Variants in KIAA1549L observed in about 807,000 individuals in gnomAD.
KIAA1549L encodes the protein UPF0606 protein KIAA1549L.
KIAA1549L carries 88 observed loss-of-function variants against 160.7 expected under a neutral mutation model. That is an observed-to-expected ratio of 0.55 (90% CI 0.46 to 0.65). KIAA1549L has a LOEUF of 0.65. Ranked by LOEUF, KIAA1549L falls within the 30% of genes least tolerant of loss-of-function variation. The pLI is 0.00. For missense variants in KIAA1549L, 2,258 were observed against 2,437.5 expected (o/e 0.93, Z 1.55); for synonymous variants, 950 against 976.7 (o/e 0.97, Z 0.51).
intron 13 of KIAA1549L, among the ~76,000 whole-genome samples, chr11:33,601,369 CTTG>C (rs377667887): frequency 6.6e-5 from 10 of 152,224 alleles, no homozygotes; most frequent in Admixed American, 4.6e-4. Flanking sequence ...AAAACATACA[CTTG>C]TTGTTTTTAT....
At chr11:33,562,845 A>T (rs1272254264) in intron 8 of KIAA1549L, among the ~76,000 whole-genome samples, 1 of 151,416 alleles carries the variant, frequency 6.6e-6, no homozygotes, top group African/African-American at 2.4e-5. Flanking sequence ...TAACCAGCTA[A>T]TTTTTTTGTA....
chr11:33,404,439 G>A lies in KIAA1549L; in HGVS notation c.238+27550G>A, dbSNP rs920966306. On this transcript the variant is annotated intron_variant, in intron 1 of 20. Transcript: ENST00000658780. ...CGTGGGAGACTGAGGCAGGAGAATC[G>A]CTTGAACCCAGGAGGGGGAGGTTGT... 3.3e-5 allele frequency among the ~76,000 whole-genome samples: 5 copies of A among 152,016 alleles called. No individual in the cohort carries two copies. The East Asian group carries it at 9.7e-4, about 29-fold the overall frequency.
intron 1 of KIAA1549L, among the ~76,000 whole-genome samples, chr11:33,530,566 C>T (rs1487008952): frequency 1.4e-5 from 2 of 147,220 alleles, no homozygotes; most frequent in Non-Finnish European, 1.5e-5. Context: ...TGACTTTAAA[C>T]TTATTAATGA....
At chr11:33,532,746 G>C (rs1261923515) in intron 1 of KIAA1549L, among the ~76,000 whole-genome samples, 1 of 152,198 alleles carries the variant, frequency 6.6e-6, no homozygotes, top group African/African-American at 2.4e-5. Flanking sequence ...AGAGCTATTA[G>C]TGATCTAGTT....
At chr11:33,616,118 G>T (rs1850801311) in intron 15 of KIAA1549L, among the ~76,000 whole-genome samples, 1 of 152,154 alleles carries the variant, frequency 6.6e-6, no homozygotes, top group Non-Finnish European at 1.5e-5. Flanking sequence ...TAAATAAAAG[G>T]GGAATATATT....
intron 20 of KIAA1549L, among the ~76,000 whole-genome samples, chr11:33,662,200 T>A (rs1044791339): frequency 1.3e-5 from 2 of 152,192 alleles, no homozygotes; most frequent in African/African-American, 4.8e-5. Context: ...ACTATAATTT[T>A]TGGAGTTACT....
chr11:33,441,682 A>G (rs1386601547), intron 1 of KIAA1549L, among the ~76,000 whole-genome samples: 1 of 152,002 alleles, frequency 6.6e-6, no homozygotes, highest in Non-Finnish European at 1.5e-5. Context: ...GATGATGAGC[A>G]TTTTTTCATG....
At position 33,539,341 on chromosome 11, in the gene KIAA1549L, G is replaced by A. The variant is rs117653284; in HGVS notation, c.239-2461G>A. Among the ~76,000 whole-genome samples, 62 of 152,174 alleles carry A rather than the reference G, an allele frequency of 4.1e-4. No homozygotes were observed. In the East Asian group the frequency reaches 9.6e-3, roughly 24 times the overall value. ...TTTCTTGACTATGAGAGTTTTCTGA[G>A]CCTTTATTTACATGATGATGGGAAT... On this transcript the variant is annotated intron_variant, in intron 1 of 20. Coordinates refer to ENST00000658780, the MANE Select transcript of KIAA1549L (RefSeq NM_012194.3).
At chr11:33,412,239 A>G (rs1462967416) in intron 1 of KIAA1549L, among the ~76,000 whole-genome samples, 4 of 152,224 alleles carry the variant, frequency 2.6e-5, no homozygotes, top group African/African-American at 4.8e-5. Flanking sequence ...AATATTTTAT[A>G]TGAACTACAA....
At chr11:33,567,334 T>G (rs1036779994) in intron 8 of KIAA1549L, among the ~76,000 whole-genome samples, 4 of 152,216 alleles carry the variant, frequency 2.6e-5, no homozygotes, top group Non-Finnish European at 5.9e-5. Flanking sequence ...TACACTTTCT[T>G]ATTGCCTTTT....
intron 1 of KIAA1549L, among the ~76,000 whole-genome samples, chr11:33,504,917 C>T (rs1037510799): frequency 6.6e-6 from 1 of 152,210 alleles, no homozygotes. Flanking sequence ...CAGGCATGCA[C>T]TGCCACACCT....
intron 1 of KIAA1549L, among the ~76,000 whole-genome samples, chr11:33,380,777 G>A (rs776115173): frequency 1.3e-5 from 2 of 151,964 alleles, no homozygotes; most frequent in South Asian, 2.1e-4. Context: ...TTGATGAATC[G>A]ATACCAAAGA....
intron 1 of KIAA1549L, among the ~76,000 whole-genome samples, chr11:33,477,490 G>C (rs2133040096): frequency 6.6e-6 from 1 of 150,380 alleles, no homozygotes; most frequent in South Asian, 2.1e-4. Flanking sequence ...CTGTGGTGGA[G>C]TGCCACGCAG....
chr11:33,552,279 A>G (rs1276682327), intron 6 of KIAA1549L, 38 bp downstream of exon 6: 4 of 1,578,348 alleles, frequency 2.5e-6, no homozygotes, highest in South Asian at 1.2e-5. Context: ...TAGTTGACAG[A>G]CAACCACAAT....
chr11:33,496,534 A>G (rs1283416222), intron 1 of KIAA1549L, among the ~76,000 whole-genome samples: 3 of 152,164 alleles, frequency 2.0e-5, no homozygotes, highest in Non-Finnish European at 4.4e-5. Flanking sequence ...TTCAGTGTGG[A>G]TGGCTTCCAA....
chr11:33,627,501 G>A (rs537713996), intron 16 of KIAA1549L, among the ~76,000 whole-genome samples: 27 of 151,998 alleles, frequency 1.8e-4, no homozygotes, highest in African/African-American at 4.1e-4. Flanking sequence ...TGTATGTGTC[G>A]AGGAATTTAT....
chr11:33,589,435 T>G (rs1050926947), intron 11 of KIAA1549L, among the ~76,000 whole-genome samples: 7 of 152,210 alleles, frequency 4.6e-5, no homozygotes, highest in African/African-American at 1.7e-4. Flanking sequence ...GGATTATAAA[T>G]GATGCTGCTA....
intron 14 of KIAA1549L, among the ~76,000 whole-genome samples, chr11:33,609,044 A>G (rs1159799288): frequency 1.3e-5 from 2 of 152,262 alleles, no homozygotes; most frequent in African/African-American, 4.8e-5. Flanking sequence ...CTTATTTAGC[A>G]CAGTCACCTG....
rs1852610480 is a variant in KIAA1549L, at chr11:33,669,780, T to C, written c.*1626T>C. 6.6e-6 allele frequency: 1 copy of C among 152,266 alleles called. No homozygotes were observed. Among genetic ancestry groups the C allele is most frequent in the Non-Finnish European group, 1.5e-5 (1 of 68,046 alleles). 9.4% of individuals were successfully genotyped at this position (152,266 alleles called of 1,614,324 possible). A position where few individuals can be genotyped will look rare whatever the true frequency, so the allele number is the denominator to read the frequency against. On this transcript the variant is annotated 3_prime_UTR_variant, in exon 21 of 21. Transcript: ENST00000658780. Reference sequence around the variant, plus strand: ...TATTTTCCAATGGCAAACTGCCCTTTCTGGAATGTTCAGAGATGATGTGTC... The same window carrying C: ...TATTTTCCAATGGCAAACTGCCCTTCCTGGAATGTTCAGAGATGATGTGTC...
Sources: gnomAD v4.1 joint callset for allele counts (sites outside exome capture counted in the v4.1 genomes callset) on GRCh38, gnomAD v4.1.1 for gene constraint, MANE v1.5 for transcripts, NCBI Gene and HGNC (gene_info 2026-07-23, HGNC 2026-07-21) for gene names.